Variants in GLI2 observed in about 807,000 individuals in gnomAD.
GLI2 encodes the protein GLI family zinc finger 2.
Under a neutral mutation model 78.9 loss-of-function variants are expected in GLI2, and 22 were observed. The ratio of observed to expected loss-of-function variants is 0.28; its 90% CI spans 0.20 to 0.40. GLI2 has a LOEUF of 0.40. GLI2 is among the 10% of genes least tolerant of loss of function. The pLI is 1.00. For missense variants in GLI2, 2,097 were observed against 2,213.2 expected, an observed-to-expected ratio of 0.95 and a Z score of 1.05; for synonymous variants, 974 against 963.7, an observed-to-expected ratio of 1.01 and a Z score of -0.20.
chr2:120,910,090 T>C (rs1437717503), intron 2 of GLI2, among the ~76,000 whole-genome samples: 1 of 152,174 alleles, frequency 6.6e-6, no homozygotes, highest in Non-Finnish European at 1.5e-5. Context: ...GTCCCCTCCG[T>C]TTTCCTGTGC....
chr2:120,886,801 G>A (rs1033336639), intron 2 of GLI2, among the ~76,000 whole-genome samples: 7 of 152,228 alleles, frequency 4.6e-5, no homozygotes, highest in South Asian at 2.1e-4. Flanking sequence ...AACCCCAGAC[G>A]TTGCTGGCTG....
intron 2 of GLI2, among the ~76,000 whole-genome samples, chr2:120,883,366 A>T (rs960844365): frequency 6.6e-6 from 1 of 152,178 alleles, no homozygotes; most frequent in Non-Finnish European, 1.5e-5. Flanking sequence ...ACGTGCCTAC[A>T]GTCCCAGCTA....
chr2:120,987,929 T>C (rs1304480583), intron 13 of GLI2, among the ~76,000 whole-genome samples: 1 of 152,178 alleles, frequency 6.6e-6, no homozygotes. Context: ...TTCCCCTTTT[T>C]AATTGAAAAA....
chr2:120,752,022 C>T (rs1282249239), intron 1 of GLI2, among the ~76,000 whole-genome samples: 1 of 152,116 alleles, frequency 6.6e-6, no homozygotes, highest in African/African-American at 2.4e-5. Flanking sequence ...GTTGAGTGAG[C>T]ACGACCCCCA....
At chr2:120,887,360 C>T (rs1018421644) in intron 2 of GLI2, among the ~76,000 whole-genome samples, 3 of 152,198 alleles carry the variant, frequency 2.0e-5, no homozygotes, top group East Asian at 1.9e-4. Context: ...CAATTCCAGC[C>T]GGAGCCTGGA....
chr2:120,808,420 C>G (rs1410552843), intron 2 of GLI2, among the ~76,000 whole-genome samples: 1 of 152,222 alleles, frequency 6.6e-6, no homozygotes, highest in Non-Finnish European at 1.5e-5. Flanking sequence ...TCCCCAGTGG[C>G]TCCTGGATCA....
chr2:120,863,648 C>G (rs1369459117), intron 2 of GLI2, among the ~76,000 whole-genome samples: 1 of 152,190 alleles, frequency 6.6e-6, no homozygotes, highest in Non-Finnish European at 1.5e-5. Context: ...GAAAGCTACT[C>G]ATATTATGTT....
Position 120,970,414 on chromosome 2 carries a change from C to G in GLI2, c.867C>G (p.His289Gln). ...GALSPAFTFP[H>Q]PINPVAYQQI... ...GCAGCCCAGCCTTCACCTTCCCCCA[C>G]CCCATCAACCCCGTGGCCTACCAGC... The change falls in exon 7 of 14, where the codon CAC (histidine) becomes CAG (glutamine). Residue 289 changes from histidine (H) to glutamine (Q), a missense_variant. Physicochemically the swap from His to Gln is conservative, Grantham distance 24. This residue lies in a region of GLI2 where 578 missense variants were observed against 612.0 expected (regional missense o/e 0.94). Coordinates refer to ENST00000361492, the MANE Select transcript of GLI2 (RefSeq NM_001374353.1). 6.2e-7 allele frequency: 1 copy of G among 1,612,850 alleles called. No homozygotes were observed.
rs1030687406 is a variant in GLI2 at position 120,737,629 on chromosome 2, G to C, written c.-31+1344G>C. 1.3e-5 allele frequency among the ~76,000 whole-genome samples: 2 copies of C among 151,922 alleles called. No homozygotes were observed. The highest frequency in any genetic ancestry group is 2.9e-5 in the Non-Finnish European group (2 of 67,986). The stretch of plus-strand genomic sequence containing the variant: ...AGCTCGGTGGCCGCAGCGGTGTCCC[G>C]GGCCCCCTCTCCGCCGCTCTTGCCG... On this transcript the variant is annotated intron_variant, in intron 1 of 13. Coordinates refer to ENST00000361492, the MANE Select transcript of GLI2 (RefSeq NM_001374353.1). The surrounding 1 kb of genome is among the most constrained non-coding windows in gnomAD (Gnocchi z 4.3).
At chr2:120,956,396 C>T (rs1681264175) in intron 5 of GLI2, among the ~76,000 whole-genome samples, 1 of 152,066 alleles carries the variant, frequency 6.6e-6, no homozygotes, top group South Asian at 2.1e-4. Context: ...CGAAGTCCTT[C>T]CCACCCTCCA....
chr2:120,744,565 G>A (rs939063842), intron 1 of GLI2, among the ~76,000 whole-genome samples: 9 of 152,218 alleles, frequency 5.9e-5, no homozygotes, highest in Admixed American at 2.0e-4. Context: ...AGTATAGTAT[G>A]TTAGATTACC....
At chr2:120,789,562 C>A (rs1457058982) in intron 1 of GLI2, among the ~76,000 whole-genome samples, 2 of 152,236 alleles carry the variant, frequency 1.3e-5, no homozygotes, top group Non-Finnish European at 2.9e-5. Flanking sequence ...GGAGCTCCCA[C>A]AAGTAGAAAC....
intron 2 of GLI2, among the ~76,000 whole-genome samples, chr2:120,892,551 G>A (rs1284418692): frequency 3.3e-5 from 5 of 152,290 alleles, no homozygotes; most frequent in South Asian, 2.1e-4. Context: ...CTCTCCTGCC[G>A]CCACCTCCTG....
chr2:120,799,074 G>T (rs1011079878), intron 2 of GLI2, among the ~76,000 whole-genome samples: 2 of 152,242 alleles, frequency 1.3e-5, no homozygotes, highest in Non-Finnish European at 2.9e-5. Flanking sequence ...GCAGTAATTA[G>T]ACAGTAATTA....
chr2:120,982,687 C>T, intron 10 of GLI2, 29 bp from the exon 11 acceptor site: 2 of 1,594,728 alleles, frequency 1.3e-6, no homozygotes, highest in South Asian at 2.3e-5. Flanking sequence ...CCCTGGGGTG[C>T]CTTGACTGAC....
At chr2:120,856,485 C>G (rs904541134) in intron 2 of GLI2, among the ~76,000 whole-genome samples, 1 of 152,192 alleles carries the variant, frequency 6.6e-6, no homozygotes, top group Non-Finnish European at 1.5e-5. Flanking sequence ...ATGGGGTTCT[C>G]ACCATCATGG....
At chr2:120,886,291 G>A (rs1677410262) in intron 2 of GLI2, among the ~76,000 whole-genome samples, 1 of 150,166 alleles carries the variant, frequency 6.7e-6, no homozygotes, top group South Asian at 2.1e-4. Flanking sequence ...TTTGAGTCAG[G>A]GTCTTGCTGT....
chr2:120,860,913 C>T (rs1207757144), intron 2 of GLI2, among the ~76,000 whole-genome samples: 1 of 152,118 alleles, frequency 6.6e-6, no homozygotes, highest in Non-Finnish European at 1.5e-5. Flanking sequence ...ATGTACCTGG[C>T]CCAAGGATTG....
rs374006581 is a variant in GLI2, at chr2:120,921,175, A to G, written c.149-6186A>G. ...CGTGCTGGTCTGAAAGAGACCACCA[A>G]TGAGTCAGGGTCAACCTTTATCCCT... On this transcript the variant is annotated intron_variant, in intron 2 of 13. Transcript: ENST00000361492. Among the ~76,000 whole-genome samples, 7 of 152,084 alleles carry G rather than the reference A, an allele frequency of 4.6e-5. No homozygotes were observed. In the East Asian group the frequency reaches 7.7e-4, roughly 17 times the overall value.
Sources: allele counts gnomAD v4.1 joint callset (sites outside exome capture counted in the v4.1 genomes callset), GRCh38; gene constraint gnomAD v4.1.1; regional missense constraint gnomAD v4.1.1; non-coding constraint Gnocchi (gnomAD v3.1); transcripts MANE v1.5; gene names NCBI Gene and HGNC (gene_info 2026-07-23, HGNC 2026-07-21).